TLN2: variants seen among roughly 807,000 people sequenced by gnomAD.
The protein encoded by TLN2 is talin-2.
A neutral mutation model predicts 294.7 loss-of-function variants in TLN2; 118 were observed. The observed-to-expected ratio is 0.40, with a 90% CI of 0.34 to 0.47. The LOEUF is 0.47. Ranked by LOEUF, TLN2 falls within the 20% of genes least tolerant of loss-of-function variation. TLN2 has a pLI of 0.84. For missense variants in TLN2, 3,083 were observed against 3,282.2 expected (o/e 0.94, Z 1.48); for synonymous variants, 1,431 against 1,304.5 (o/e 1.10, Z -2.09).
chr15:62,714,057 T>C (rs1178678249), intron 22 of TLN2, among the ~76,000 whole-genome samples: 1 of 151,614 alleles, frequency 6.6e-6, no homozygotes, highest in African/African-American at 2.4e-5. Flanking sequence ...TCATAAAAAA[T>C]TACTTGGTAG....
At chr15:62,566,276 G>A (rs12906001) in intron 1 of TLN2, among the ~76,000 whole-genome samples, 10,463 of 152,072 alleles carry the variant, frequency 0.069, 466 homozygotes, top group Non-Finnish European at 0.092. Flanking sequence ...TTCTCTGTTC[G>A]TTCATTTGGC....
chr15:62,825,789 T>TA (rs1491491748), intron 54 of TLN2, among the ~76,000 whole-genome samples: 3 of 83,590 alleles, frequency 3.6e-5, no homozygotes, highest in African/African-American at 2.2e-4. Context: ...ATATTATATA[T>TA]TATAATATAT....
chr15:62,409,067 C>T (rs1333340979), intron 1 of TLN2, among the ~76,000 whole-genome samples: 2 of 151,882 alleles, frequency 1.3e-5, no homozygotes, highest in Admixed American at 1.3e-4. Flanking sequence ...AACCTCTGCC[C>T]TCCAGGTTCA....
chr15:62,570,943 G>GTT (rs2043821167), intron 1 of TLN2, among the ~76,000 whole-genome samples: 1 of 149,082 alleles, frequency 6.7e-6, no homozygotes, highest in Non-Finnish European at 1.5e-5. Flanking sequence ...GTGTGTGTGT[G>GTT]TAGGGAGGAG....
chr15:62,543,037 T>G (rs1039772501), intron 1 of TLN2, among the ~76,000 whole-genome samples: 2 of 152,076 alleles, frequency 1.3e-5, no homozygotes, highest in African/African-American at 4.8e-5. Flanking sequence ...AGAAATATAA[T>G]CAAGGAGAGA....
chr15:62,537,799 C>A (rs2041447106), intron 1 of TLN2, among the ~76,000 whole-genome samples: 1 of 152,176 alleles, frequency 6.6e-6, no homozygotes, highest in African/African-American at 2.4e-5. Context: ...TGGGGAGTTT[C>A]TGGTCTCAAT....
chr15:62,635,153 G>C (rs1417798048), intron 3 of TLN2, among the ~76,000 whole-genome samples: 1 of 152,078 alleles, frequency 6.6e-6, no homozygotes, highest in Non-Finnish European at 1.5e-5. Flanking sequence ...TCAAACAGCT[G>C]ATACTTGTAC....
At chr15:62,584,118 A>T (rs1482168795) in intron 1 of TLN2, among the ~76,000 whole-genome samples, 25 of 152,220 alleles carry the variant, frequency 1.6e-4, no homozygotes, top group Admixed American at 1.5e-3. Flanking sequence ...AAAAGAACTA[A>T]TTATAACATT....
At chr15:62,644,816 C>G in intron 3 of TLN2, 1 of 337,060 alleles carries the variant, frequency 3.0e-6, no homozygotes, top group Non-Finnish European at 5.8e-6. Flanking sequence ...TCTCTCTTGG[C>G]TTCAGTGGAA....
chr15:62,414,164 C>CTATATATATATATATATATA lies in TLN2; in HGVS notation c.-238+23488_-238+23507dup, dbSNP rs780803268. On this transcript the variant is annotated intron_variant, in intron 1 of 58. Transcript: ENST00000636159. ...AGTGAAGTGTTAGCAAAAAAAAAAACTATATATATATATATATATATATAT... is the reference window on the plus strand; with the variant it reads ...AGTGAAGTGTTAGCAAAAAAAAAAACTATATATATATATATATATATATATATATATATATATATATATAT... Among the ~76,000 whole-genome samples the CTATATATATATATATATATA allele has an allele frequency of 1.5e-4, 14 of 90,640 alleles. 1 individual carries two copies. The highest frequency in any genetic ancestry group is 2.1e-4 in the Non-Finnish European group (10 of 48,184). 59.5% of individuals were successfully genotyped at this position (90,640 alleles called of 152,430 possible).
At chr15:62,410,384 T>A (rs2033698488) in intron 1 of TLN2, among the ~76,000 whole-genome samples, 1 of 152,338 alleles carries the variant, frequency 6.6e-6, no homozygotes, top group South Asian at 2.1e-4. Context: ...TACAGGCATT[T>A]GTCAAAATTT....
chr15:62,568,993 G>T (rs947447625), intron 1 of TLN2, among the ~76,000 whole-genome samples: 1 of 152,084 alleles, frequency 6.6e-6, no homozygotes, highest in African/African-American at 2.4e-5. Flanking sequence ...GGTGTCTGTC[G>T]GGCCATGCTC....
intron 1 of TLN2, among the ~76,000 whole-genome samples, chr15:62,440,163 C>T (rs774709148): frequency 2.6e-5 from 4 of 152,184 alleles, no homozygotes; most frequent in African/African-American, 4.8e-5. Context: ...CCTGTCTCCT[C>T]GATCTCGTGG....
intron 1 of TLN2, among the ~76,000 whole-genome samples, chr15:62,396,094 A>C (rs1289333773): frequency 1.3e-5 from 2 of 152,282 alleles, no homozygotes; most frequent in African/African-American, 4.8e-5. Flanking sequence ...TTGGCCTCCC[A>C]AAGTGCTATG....
chr15:62,824,573 G>C (rs2067866967), intron 54 of TLN2, among the ~76,000 whole-genome samples: 2 of 152,138 alleles, frequency 1.3e-5, no homozygotes, highest in Non-Finnish European at 2.9e-5. Context: ...ACAAACCTTG[G>C]ATATAGGACT....
chr15:62,450,535 A>G (rs1265084107), intron 1 of TLN2, among the ~76,000 whole-genome samples: 1 of 57,230 alleles, frequency 1.7e-5, no homozygotes, highest in African/African-American at 5.1e-5. Flanking sequence ...GTATGTATGT[A>G]TGTATGTATG....
intron 13 of TLN2, among the ~76,000 whole-genome samples, chr15:62,693,798 A>G (rs976748685): frequency 2.6e-5 from 4 of 152,070 alleles, no homozygotes; most frequent in East Asian, 1.9e-4. Flanking sequence ...TATATATTAA[A>G]TCATATATTT....
In TLN2 at chr15:62,466,192, C is replaced by G. The variant is rs183296887; in HGVS notation, c.-238+75507C>G. 3.3e-5 allele frequency among the ~76,000 whole-genome samples: 5 copies of G among 152,320 alleles called. No homozygotes were observed. The South Asian group carries it at 1.0e-3, about 32-fold the overall frequency. ...TGAACTCAGTCTAGGGGTTGCAAAACCTCCGAAACAGGCCAACCTCTCTGT... is the reference window on the plus strand; with the variant it reads ...TGAACTCAGTCTAGGGGTTGCAAAAGCTCCGAAACAGGCCAACCTCTCTGT... On this transcript the variant is annotated intron_variant, in intron 1 of 58. Transcript: ENST00000636159.
At chr15:62,399,833 G>A (rs2032887354) in intron 1 of TLN2, among the ~76,000 whole-genome samples, 1 of 152,184 alleles carries the variant, frequency 6.6e-6, no homozygotes, top group South Asian at 2.1e-4. Context: ...ATAGGTGAAA[G>A]GGACTTGCCT....
Sources: allele counts gnomAD v4.1 joint callset (sites outside exome capture counted in the v4.1 genomes callset), GRCh38; gene constraint gnomAD v4.1.1; transcripts MANE v1.5; gene names NCBI Gene and HGNC (gene_info 2026-07-23, HGNC 2026-07-21).